Variants in OR3A2 observed in about 807,000 individuals in gnomAD.
OR3A2 encodes olfactory receptor 3A2.
For missense variants in OR3A2, 318 were observed against 392.8 expected (o/e 0.81, Z 1.61); for synonymous variants, 126 against 159.3 (o/e 0.79, Z 1.57).
At chr17:3,371,947 C>T (rs1297324711) in intron 2 of OR3A2, among the ~76,000 whole-genome samples, 18 of 148,458 alleles carry the variant, frequency 1.2e-4, no homozygotes, top group Admixed American at 4.0e-4. Flanking sequence ...CCCTCCCGGA[C>T]GGGGTGGCTG....
At chr17:3,331,715 C>T (rs1397000913) in intron 3 of OR3A2, among the ~76,000 whole-genome samples, 2 of 151,770 alleles carry the variant, frequency 1.3e-5, no homozygotes, top group Non-Finnish European at 2.9e-5. Flanking sequence ...TCTCTCAGCT[C>T]GTCAAAGTCA....
rs976490877 is a variant in OR3A2 at position 3,348,870 on chromosome 17, C to T, written c.-178-12744G>A. The stretch of plus-strand genomic sequence containing the variant: ...CTACCAGCCAGAAGAGAGTGGGGGC[C>T]AATATTCAACATTCTTAAGGAAAAG... On this transcript the variant is annotated intron_variant, in intron 2 of 4. Transcript: ENST00000573491. Among the ~76,000 whole-genome samples the T allele has an allele frequency of 7.9e-5, 12 of 152,014 alleles. 1 individual carries two copies. Among genetic ancestry groups the T allele is most frequent in the African/African-American group, 2.4e-4 (10 of 41,394 alleles).
upstream of OR3A2, among the ~76,000 whole-genome samples, chr17:3,288,246 C>CAAAAAAAAAAAAAAAAAAAAAAAGAAAAA: frequency 1.4e-5 from 1 of 73,486 alleles, no homozygotes; most frequent in African/African-American, 4.5e-5. Context: ...ACCAAAAGGG[C>CAAAAAAAAAAAAAAAAAAAAAAAGAAAAA]AAAAAAAAAA....
intron 3 of OR3A2, among the ~76,000 whole-genome samples, chr17:3,303,841 G>A (rs1160760083): frequency 6.7e-6 from 1 of 149,466 alleles, no homozygotes; most frequent in Non-Finnish European, 1.5e-5. Context: ...GCAGTGAGCC[G>A]AGATCATGGC....
Position 3,311,811 on chromosome 17 carries a change from G to A in OR3A2, c.-85+24222C>T, listed in dbSNP as rs2049046541. 1 of 198,344 alleles carries A rather than the reference G, an allele frequency of 5.0e-6. No individual in the cohort carries two copies. The highest frequency in any genetic ancestry group is 1.1e-5 in the Non-Finnish European group (1 of 94,350). 12.3% of individuals were successfully genotyped at this position (198,344 alleles called of 1,614,324 possible). A position where few individuals can be genotyped will look rare whatever the true frequency, so the allele number is the denominator to read the frequency against. ...CAGTCTCAGCCTCAGACAAAGATAAGGGGATTGGGATCCTCAACACTATCC... is the reference window on the plus strand; with the variant it reads ...CAGTCTCAGCCTCAGACAAAGATAAAGGGATTGGGATCCTCAACACTATCC... On this transcript the variant is annotated intron_variant, in intron 3 of 4. Transcript: ENST00000573491. The surrounding 1 kb of genome is among the most constrained non-coding windows in gnomAD (Gnocchi z 4.6).
intron 1 of OR3A2, among the ~76,000 whole-genome samples, chr17:3,385,080 G>A (rs1002758257): frequency 6.6e-6 from 1 of 152,188 alleles, no homozygotes; most frequent in Non-Finnish European, 1.5e-5. Context: ...TGTAATCCCA[G>A]CTACTCGGGA....
upstream of OR3A2, among the ~76,000 whole-genome samples, chr17:3,289,104 TGTGA>T (rs2048841032): frequency 6.7e-6 from 1 of 150,038 alleles, no homozygotes; most frequent in African/African-American, 2.5e-5. Flanking sequence ...TGTTTGTGTG[TGTGA>T]GTGTGTGTTT....
chr17:3,374,327 AT>A (rs2049660650), intron 2 of OR3A2, among the ~76,000 whole-genome samples: 2 of 152,176 alleles, frequency 1.3e-5, no homozygotes, highest in African/African-American at 4.8e-5. Flanking sequence ...AGCTTCTTGT[AT>A]TTGGTCATCT....
At chr17:3,301,030 T>G (rs1161184938) in intron 3 of OR3A2, among the ~76,000 whole-genome samples, 2 of 152,226 alleles carry the variant, frequency 1.3e-5, no homozygotes, top group Non-Finnish European at 2.9e-5. Flanking sequence ...CTCATCCTTT[T>G]TTATGGCTGC....
At chr17:3,313,321 T>TA (rs1156578768) in intron 3 of OR3A2, among the ~76,000 whole-genome samples, 3 of 152,164 alleles carry the variant, frequency 2.0e-5, no homozygotes, top group Non-Finnish European at 2.9e-5. Context: ...TATCCACAGT[T>TA]ATTCTCCACA....
At chr17:3,308,194 C>T (rs1042700953) in intron 3 of OR3A2, among the ~76,000 whole-genome samples, 2 of 152,202 alleles carry the variant, frequency 1.3e-5, no homozygotes, top group African/African-American at 4.8e-5. Context: ...TTACCTGGTT[C>T]TGGCTCCCCC....
chr17:3,310,917 T>C, intron 3 of OR3A2: 1 of 664,302 alleles, frequency 1.5e-6, no homozygotes, highest in Non-Finnish European at 2.7e-6. Context: ...GCAGTTGCTG[T>C]TTGTAGCAGC....
At chr17:3,300,519 AC>A (rs1398887170) in intron 3 of OR3A2, among the ~76,000 whole-genome samples, 1 of 152,200 alleles carries the variant, frequency 6.6e-6, no homozygotes, top group Admixed American at 6.5e-5. Flanking sequence ...AGATCACACC[AC>A]TGCACTCCAA....
chr17:3,375,919 G>T (rs1198395753), intron 2 of OR3A2, among the ~76,000 whole-genome samples: 1 of 152,168 alleles, frequency 6.6e-6, no homozygotes, highest in Non-Finnish European at 1.5e-5. Flanking sequence ...CTGGTGCTGG[G>T]GAATGTCTGC....
At chr17:3,299,328 T>C (rs1035511569) in intron 3 of OR3A2, among the ~76,000 whole-genome samples, 5 of 152,164 alleles carry the variant, frequency 3.3e-5, no homozygotes, top group African/African-American at 1.2e-4. Flanking sequence ...CAACCTTGGC[T>C]TTCTAATGAG....
intron 2 of OR3A2, among the ~76,000 whole-genome samples, chr17:3,357,045 C>T (rs1039687166): frequency 5.9e-5 from 9 of 151,780 alleles, no homozygotes; most frequent in Non-Finnish European, 1.2e-4. Context: ...GAACATCTTC[C>T]CTTCTCCCCT....
upstream of OR3A2, chr17:3,284,390 T>C (rs373704096): frequency 0.04 from 5,695 of 143,152 alleles, 182 homozygotes; most frequent in African/African-American, 0.13. Flanking sequence ...CTGAGGTTTC[T>C]TCAGGAAAGA....
At chr17:3,370,601 G>C (rs939904857) in intron 2 of OR3A2, among the ~76,000 whole-genome samples, 1 of 151,190 alleles carries the variant, frequency 6.6e-6, no homozygotes, top group African/African-American at 2.4e-5. Context: ...GTTCCTTAAG[G>C]TGTGAACTTA....
chr17:3,368,226 C>A (rs1338868443), intron 2 of OR3A2, among the ~76,000 whole-genome samples: 1 of 152,138 alleles, frequency 6.6e-6, no homozygotes, highest in Non-Finnish European at 1.5e-5. Flanking sequence ...GGTGCATAAG[C>A]TTTTTAGTTT....
Sources: allele counts gnomAD v4.1 joint callset (sites outside exome capture counted in the v4.1 genomes callset), GRCh38; gene constraint gnomAD v4.1.1; non-coding constraint Gnocchi (gnomAD v3.1); transcripts MANE v1.5; gene names NCBI Gene and HGNC (gene_info 2026-07-23, HGNC 2026-07-21).